Variants in HPCAL1 observed in about 807,000 individuals in gnomAD.
The protein encoded by HPCAL1 is hippocalcin-like protein 1.
Under a neutral mutation model 17.1 loss-of-function variants are expected in HPCAL1, and 8 were observed. The observed-to-expected ratio is 0.47, with a 90% confidence interval of 0.27 to 0.84. The LOEUF is 0.84. Among genes scored for constraint, HPCAL1 ranks in the 40% least tolerant of loss-of-function variants. HPCAL1 has a pLI of 0.13. For missense variants in HPCAL1, 165 were observed against 271.1 expected, an observed-to-expected ratio of 0.61 and a Z score of 2.75; for synonymous variants, 112 against 111.4, an observed-to-expected ratio of 1.01 and a Z score of -0.03.
chr2:10,331,692 T>TC lies in HPCAL1; in HGVS notation c.-111+28520dup, dbSNP rs960311932. Among the ~76,000 whole-genome samples, 2 of 152,068 alleles carry TC rather than the reference T, an allele frequency of 1.3e-5. No individual in the cohort carries two copies. Among genetic ancestry groups the TC allele is most frequent in the Admixed American group, 6.5e-5 (1 of 15,272 alleles). On this transcript the variant is annotated intron_variant, in intron 1 of 4. Transcript: ENST00000307845. This position sits in a 1 kb window ranked among gnomAD's most constrained non-coding sequence, Gnocchi z 5.0. ...CCGGCTGTCAGAGGCATCTGTCTCT[T>TC]CCCCCGCATGCATCTTTCTCCCCGT...
chr2:10,382,466 C>T (rs562483247), intron 1 of HPCAL1, among the ~76,000 whole-genome samples: 6 of 151,902 alleles, frequency 3.9e-5, no homozygotes, highest in Non-Finnish European at 5.9e-5. Context: ...AGAGACAAGG[C>T]GGGTTCATCC....
At position 10,331,270 on chromosome 2, in the gene HPCAL1, T is replaced by C. The variant is rs1192552243; in HGVS notation, c.-111+28093T>C. ...CTGCCTGTTACTCAGCACGTCCGCC[T>C]CTCCTGCCTCCTGAGCCCACAGGCG... On this transcript the variant is annotated intron_variant, in intron 1 of 4. Transcript: ENST00000307845. The surrounding 1 kb of genome is among the most constrained non-coding windows in gnomAD (Gnocchi z 5.0). Among the ~76,000 whole-genome samples the C allele has an allele frequency of 6.6e-6, 1 of 152,016 alleles. No homozygotes were observed. Among genetic ancestry groups the C allele is most frequent in the Non-Finnish European group, 1.5e-5 (1 of 67,984 alleles).
rs1477325695 is a variant in HPCAL1 at position 10,331,664 on chromosome 2, C to T, written c.-111+28487C>T. 6.6e-6 allele frequency among the ~76,000 whole-genome samples: 1 copy of T among 152,158 alleles called. No homozygotes were observed. Among genetic ancestry groups the T allele is most frequent in the African/African-American group, 2.4e-5 (1 of 41,428 alleles). Reference sequence around the variant, plus strand: ...GTGAGGCTGTCTGCCCCCCACTGCACGCCCGGCTGTCAGAGGCATCTGTCT... The same window carrying T: ...GTGAGGCTGTCTGCCCCCCACTGCATGCCCGGCTGTCAGAGGCATCTGTCT... On this transcript the variant is annotated intron_variant, in intron 1 of 4. Coordinates refer to ENST00000307845, the MANE Select transcript of HPCAL1 (RefSeq NM_002149.4). This position sits in a 1 kb window ranked among gnomAD's most constrained non-coding sequence, Gnocchi z 5.0.
At chr2:10,312,750 C>T (rs1262456850) in intron 1 of HPCAL1, among the ~76,000 whole-genome samples, 11 of 152,074 alleles carry the variant, frequency 7.2e-5, no homozygotes, top group Non-Finnish European at 1.5e-4. Context: ...TCACCATTCA[C>T]CATCACTGTC....
In HPCAL1 at chr2:10,362,886, G is replaced by A. The variant is rs971199480; in HGVS notation, c.-110-33949G>A. On this transcript the variant is annotated intron_variant, in intron 1 of 4. Coordinates refer to ENST00000307845, the MANE Select transcript of HPCAL1 (RefSeq NM_002149.4). The surrounding 1 kb of genome is among the most constrained non-coding windows in gnomAD (Gnocchi z 5.0). ...TTTGGACCATTCCTGAGCAGAGGGGGACCTCAGAGGACAGTCGGACTGGGG... is the reference window on the plus strand; with the variant it reads ...TTTGGACCATTCCTGAGCAGAGGGGAACCTCAGAGGACAGTCGGACTGGGG... 3.9e-4 allele frequency among the ~76,000 whole-genome samples: 60 copies of A among 152,188 alleles called. No homozygotes were observed. The highest frequency in any genetic ancestry group is 5.4e-4 in the Non-Finnish European group (37 of 68,034).
At chr2:10,329,219 ACTC>A (rs1264666223) in intron 1 of HPCAL1, among the ~76,000 whole-genome samples, 1 of 152,016 alleles carries the variant, frequency 6.6e-6, no homozygotes, top group Non-Finnish European at 1.5e-5. Flanking sequence ...AGGCGGGATA[ACTC>A]CCACCCCTCA....
chr2:10,393,482 G>T (rs1201410396), intron 1 of HPCAL1, among the ~76,000 whole-genome samples: 1 of 152,246 alleles, frequency 6.6e-6, no homozygotes. Flanking sequence ...AGAGGTCACA[G>T]GATGTGCCCA....
At chr2:10,400,737 G>A (rs1227867307) in intron 2 of HPCAL1, among the ~76,000 whole-genome samples, 1 of 151,964 alleles carries the variant, frequency 6.6e-6, no homozygotes. Context: ...GGGCAGACAC[G>A]TGCCTGCACA....
At chr2:10,369,382 T>C (rs1225882777) in intron 1 of HPCAL1, among the ~76,000 whole-genome samples, 1 of 152,202 alleles carries the variant, frequency 6.6e-6, no homozygotes, top group South Asian at 2.1e-4. Flanking sequence ...TCTCTCGGGA[T>C]TTTTTCTGGC....
intron 4 of HPCAL1, chr2:10,424,204 A>G (rs1671260071): frequency 3.1e-6 from 1 of 320,650 alleles, no homozygotes; most frequent in Non-Finnish European, 6.2e-6. Context: ...TGAGTTAAGC[A>G]TGGCCCCAGC....
At chr2:10,333,522 T>G (rs114700218) in intron 1 of HPCAL1, among the ~76,000 whole-genome samples, 4 of 152,132 alleles carry the variant, frequency 2.6e-5, no homozygotes, top group African/African-American at 9.7e-5. Flanking sequence ...GCACCTTCTC[T>G]TCCCACGTGG....
Position 10,302,926 on chromosome 2 carries a change from G to C in HPCAL1, c.-362G>C, listed in dbSNP as rs1166270952. On this transcript the variant is annotated 5_prime_UTR_variant, in exon 1 of 5. Transcript: ENST00000307845. Reference sequence around the variant, plus strand: ...GGCAGGCGGGCCGCGGCGGCGGCGGGCAGCGGACGGGCGGACTGACGGGCG... The same window carrying C: ...GGCAGGCGGGCCGCGGCGGCGGCGGCCAGCGGACGGGCGGACTGACGGGCG... 5.3e-5 allele frequency: 8 copies of C among 152,064 alleles called. No homozygotes were observed. Among genetic ancestry groups the C allele is most frequent in the Non-Finnish European group, 1.2e-4 (8 of 68,100 alleles). The allele number at this position is 152,064 out of a possible 1,614,324, so 9.4% of individuals were successfully genotyped here. A position where few individuals can be genotyped will look rare whatever the true frequency, so the allele number is the denominator to read the frequency against.
chr2:10,399,555 ACTACCG>A (rs1303364203), intron 2 of HPCAL1, among the ~76,000 whole-genome samples: 2 of 54,528 alleles, frequency 3.7e-5, no homozygotes, highest in Non-Finnish European at 3.6e-5. Flanking sequence ...CACCGCCACC[ACTACCG>A]CCACCGCCAC....
rs1477881978 is a variant in HPCAL1 at position 10,304,631 on chromosome 2, C to G, written c.-111+1454C>G. Reference sequence around the variant, plus strand: ...AGTCGTAAAATTGAACCGCAGTGAACGAGCACCCAGCTCTTACCACGACTC... The same window carrying G: ...AGTCGTAAAATTGAACCGCAGTGAAGGAGCACCCAGCTCTTACCACGACTC... On this transcript the variant is annotated intron_variant, in intron 1 of 4. Coordinates refer to ENST00000307845, the MANE Select transcript of HPCAL1 (RefSeq NM_002149.4). The surrounding 1 kb of genome is among the most constrained non-coding windows in gnomAD (Gnocchi z 4.1). Among the ~76,000 whole-genome samples the G allele has an allele frequency of 6.6e-6, 1 of 152,350 alleles. No homozygotes were observed. Among genetic ancestry groups the G allele is most frequent in the Admixed American group, 6.5e-5 (1 of 15,312 alleles).
chr2:10,316,472 T>G (rs982132310), intron 1 of HPCAL1, among the ~76,000 whole-genome samples: 25 of 152,210 alleles, frequency 1.6e-4, no homozygotes, highest in Non-Finnish European at 2.9e-4. Context: ...ATTTCTTTGC[T>G]GGCTGGTAAG....
chr2:10,321,260 C>T (rs1202340425), intron 1 of HPCAL1, among the ~76,000 whole-genome samples: 5 of 152,136 alleles, frequency 3.3e-5, no homozygotes, highest in South Asian at 2.1e-4. Context: ...CTCACTATCT[C>T]GAGGACAGAA....
intron 1 of HPCAL1, among the ~76,000 whole-genome samples, chr2:10,346,057 T>C (rs1665420922): frequency 6.6e-6 from 1 of 152,126 alleles, no homozygotes; most frequent in Admixed American, 6.5e-5. Flanking sequence ...TCTGTGTATG[T>C]GTGAGAGAGC....
chr2:10,372,546 A>T (rs1476240934), intron 1 of HPCAL1, among the ~76,000 whole-genome samples: 2 of 152,136 alleles, frequency 1.3e-5, no homozygotes, highest in African/African-American at 2.4e-5. Context: ...TGGCTGTGAC[A>T]CAGGGGGGCA....
intron 1 of HPCAL1, among the ~76,000 whole-genome samples, chr2:10,306,216 C>T (rs1662612225): frequency 6.6e-6 from 1 of 152,128 alleles, no homozygotes. Context: ...TTCCAGCAAG[C>T]CCTAAACCGT....
Sources: gnomAD v4.1 joint callset for allele counts (sites outside exome capture counted in the v4.1 genomes callset) on GRCh38, gnomAD v4.1.1 for gene constraint, Gnocchi (gnomAD v3.1) non-coding constraint, MANE v1.5 for transcripts, NCBI Gene and HGNC (gene_info 2026-07-23, HGNC 2026-07-21) for gene names.